NUBP1: variants seen among roughly 807,000 people sequenced by gnomAD.
NUBP1 encodes the protein NUBP iron-sulfur cluster assembly factor 1, cytosolic.
A neutral mutation model predicts 41.8 loss-of-function variants in NUBP1; 46 were observed. The observed-to-expected ratio is 1.10, with a 90% CI of 0.87 to 1.41. NUBP1 has a LOEUF of 1.41. NUBP1 is among the 40% of genes most tolerant of loss of function. The pLI, the probability that NUBP1 is intolerant of heterozygous loss-of-function variation, is 0.00. For synonymous variants in NUBP1, 189 were observed against 154.6 expected, an observed-to-expected ratio of 1.22 and a Z score of -1.65; for missense variants, 494 against 414.0, an observed-to-expected ratio of 1.19 and a Z score of -1.68.
Position 10,766,375 on chromosome 16 carries a change from G to A in NUBP1, c.821-1574G>A, listed in dbSNP as rs185447106. 3.3e-4 allele frequency among the ~76,000 whole-genome samples: 50 copies of A among 152,306 alleles called. 1 individual carries two copies. The East Asian group carries it at 6.0e-3, about 18-fold the overall frequency. On this transcript the variant is annotated intron_variant, in intron 9 of 10. Coordinates refer to ENST00000283027, the MANE Select transcript of NUBP1 (RefSeq NM_002484.4). This position sits in a 1 kb window ranked among gnomAD's most constrained non-coding sequence, Gnocchi z 4.8. Reference sequence around the variant, plus strand: ...ACCAGCTGTTCTGATAATGCTGCCCGTTCTTGGAGAGGTGGGAGCCCAGGG... The same window carrying A: ...ACCAGCTGTTCTGATAATGCTGCCCATTCTTGGAGAGGTGGGAGCCCAGGG...
intron 6 of NUBP1, 86 bp downstream of exon 6, chr16:10,756,866 C>A: frequency 9.6e-7 from 1 of 1,044,562 alleles, no homozygotes; most frequent in South Asian, 1.6e-5. Flanking sequence ...TCCTGCCAGT[C>A]TCAGCCTGCT....
chr16:10,761,886 C>G, intron 9 of NUBP1, 27 bp downstream of exon 9: 1 of 1,564,430 alleles, frequency 6.4e-7, no homozygotes, highest in South Asian at 1.1e-5. Flanking sequence ...TGGGGCGGCA[C>G]CTCACTCCTC....
Position 10,756,673 on chromosome 16 carries a change from C to A in NUBP1, c.361-17C>A. On this transcript the variant is annotated splice_polypyrimidine_tract_variant and intron_variant, in intron 5 of 10. Transcript: ENST00000283027. ...TTGAGTAAAGCGTGTCTTGCCCTCACCCTGTTCCCTCTGCAGTACGTGGAA... is the reference window on the plus strand; with the variant it reads ...TTGAGTAAAGCGTGTCTTGCCCTCAACCTGTTCCCTCTGCAGTACGTGGAA... 6.5e-7 allele frequency: 1 copy of A among 1,539,298 alleles called. No homozygotes were observed. Among genetic ancestry groups the A allele is most frequent in the Non-Finnish European group, 8.7e-7 (1 of 1,151,308 alleles).
At chr16:10,758,967 C>T (rs995635844) in intron 7 of NUBP1, among the ~76,000 whole-genome samples, 2 of 152,190 alleles carry the variant, frequency 1.3e-5, no homozygotes, top group African/African-American at 4.8e-5. Context: ...TGGTGCTATC[C>T]ATCTCAGGGG....
At chr16:10,747,633 A>G (rs180860971) in intron 3 of NUBP1, among the ~76,000 whole-genome samples, 1 of 152,194 alleles carries the variant, frequency 6.6e-6, no homozygotes, top group African/African-American at 2.4e-5. Context: ...AGACTGTCCA[A>G]GAAGAAAAAA....
rs553690845 is a variant in NUBP1 at position 10,761,903 on chromosome 16, C to T, written c.820+44C>T. On this transcript the variant is annotated intron_variant, in intron 9 of 10. Coordinates refer to ENST00000283027, the MANE Select transcript of NUBP1 (RefSeq NM_002484.4). ...GGGCGGCACCTCACTCCTCGGTCAG[C>T]CCCACAGGCACGGGTCGGGCACAAC... The T allele has an allele frequency of 6.0e-6, 9 of 1,488,306 alleles. No individual in the cohort carries two copies. The East Asian group carries it at 2.0e-4, about 34-fold the overall frequency. The allele number at this position is 1,488,306 out of a possible 1,614,324, so 92.2% of individuals were successfully genotyped here.
chr16:10,747,380 T>C, intron 3 of NUBP1, 104 bp downstream of exon 3: 1 of 1,477,332 alleles, frequency 6.8e-7, no homozygotes, highest in Non-Finnish European at 9.1e-7. Flanking sequence ...ATGCCTGTAA[T>C]CCCAGCACTT....
chr16:10,763,194 G>A (rs1268004493), intron 9 of NUBP1, among the ~76,000 whole-genome samples: 5 of 152,238 alleles, frequency 3.3e-5, no homozygotes, highest in Admixed American at 6.5e-5. Context: ...GGGGGCTCAG[G>A]TTGTCAGCAG....
rs1186301797 is a variant in NUBP1 at position 10,749,088 on chromosome 16, TAA to T, written c.258+1823_258+1824del. Among the ~76,000 whole-genome samples the T allele has an allele frequency of 2.3e-5, 3 of 133,164 alleles. No homozygotes were observed. Among genetic ancestry groups the T allele is most frequent in the Non-Finnish European group, 3.2e-5 (2 of 62,482 alleles). The allele number at this position is 133,164 out of a possible 152,430, so 87.4% of individuals were successfully genotyped here. ...CCTGGGTGACAGACAAGACTCCATT[TAA>T]AAAAAAAAAAGGATATAGATAGATA... is the stretch of plus-strand genomic sequence containing the variant. On this transcript the variant is annotated intron_variant, in intron 3 of 10. Transcript: ENST00000283027. This position sits in a 1 kb window ranked among gnomAD's most constrained non-coding sequence, Gnocchi z 4.1.
In NUBP1 at chr16:10,767,481, TGTGC is replaced by T. The variant is rs2031068878; in HGVS notation, c.821-466_821-463del. ...AGGTATATGAGAGTGTGTGTATGTG[TGTGC>T]GCACACATGCAAGTGTGCACATTTA... is the stretch of plus-strand genomic sequence containing the variant. On this transcript the variant is annotated intron_variant, in intron 9 of 10. Transcript: ENST00000283027. This position sits in a 1 kb window ranked among gnomAD's most constrained non-coding sequence, Gnocchi z 4.6. 17 of 412,266 alleles carry T rather than the reference TGTGC, an allele frequency of 4.1e-5. No individual in the cohort carries two copies. The highest frequency in any genetic ancestry group is 6.4e-5 in the Non-Finnish European group (15 of 235,356). The allele number at this position is 412,266 out of a possible 1,614,324, so 25.5% of individuals were successfully genotyped here. A position where few individuals can be genotyped will look rare whatever the true frequency, so the allele number is the denominator to read the frequency against.
In NUBP1 at chr16:10,761,670, T is replaced by G. The variant is rs545110621; in HGVS notation, c.718-87T>G. On this transcript the variant is annotated intron_variant, in intron 8 of 10. Coordinates refer to ENST00000283027, the MANE Select transcript of NUBP1 (RefSeq NM_002484.4). ...TTCCACATTCAAACTAAGCCTTTTTTTTTTTTTTAAGTTTCTTTAAAATGT... is the reference window on the plus strand; with the variant it reads ...TTCCACATTCAAACTAAGCCTTTTTGTTTTTTTTAAGTTTCTTTAAAATGT... The G allele has an allele frequency of 1.5e-5, 18 of 1,170,272 alleles. No individual in the cohort carries two copies. The Admixed American group carries it at 2.2e-4, about 14-fold the overall frequency. The allele number at this position is 1,170,272 out of a possible 1,614,324, so 72.5% of individuals were successfully genotyped here. A position where few individuals can be genotyped will look rare whatever the true frequency, so the allele number is the denominator to read the frequency against.
At chr16:10,744,472 ACACAATTTTCTT>A (rs1488146119) in intron 2 of NUBP1, among the ~76,000 whole-genome samples, 1 of 152,192 alleles carries the variant, frequency 6.6e-6, no homozygotes, top group Admixed American at 6.5e-5. Flanking sequence ...TACTTTCTTG[ACACAATTTTCTT>A]CCTTTTGAGG....
In NUBP1 at chr16:10,761,768, G is replaced by C. The variant is rs754401513; in HGVS notation, c.729G>C (p.Gln243His). The C allele has an allele frequency of 3.5e-5, 57 of 1,613,474 alleles. No individual in the cohort carries two copies. The highest frequency in any genetic ancestry group is 5.1e-6 in the Non-Finnish European group (6 of 1,179,856). The change falls in exon 9 of 11, where the codon CAG (glutamine) becomes CAC (histidine). Residue 243 changes from glutamine to histidine, a missense_variant. Transcript: ENST00000283027. The stretch of plus-strand genomic sequence containing the variant: ...AATTTGCCTTGCAGAAAGAATCTCA[G>C]ATATTCCCTCCCACAACCGGGGGCG... ...FICPKCKKES[Q>H]IFPPTTGGAE...
At chr16:10,758,754 C>G (rs1238499004) in intron 7 of NUBP1, among the ~76,000 whole-genome samples, 6 of 152,188 alleles carry the variant, frequency 3.9e-5, no homozygotes, top group African/African-American at 1.4e-4. Context: ...CTCCAGTTTT[C>G]AACAGAACCA....
At chr16:10,755,902 T>C in intron 5 of NUBP1, 149 bp downstream of exon 5, 1 of 724,460 alleles carries the variant, frequency 1.4e-6, no homozygotes, top group Non-Finnish European at 2.4e-6. Flanking sequence ...GCAGGCTTTT[T>C]CTGTAAAGTG....
At position 10,758,006 on chromosome 16, in the gene NUBP1, A is replaced by G. The variant is rs1437621701; in HGVS notation, c.585A>G (p.Ala195=). 3 of 1,613,908 alleles carry G rather than the reference A, an allele frequency of 1.9e-6. No individual in the cohort carries two copies. The highest frequency in any genetic ancestry group is 2.5e-6 in the Non-Finnish European group (3 of 1,179,986). Residue 195 remains alanine (A), a synonymous_variant, in exon 7 of 11, where the codon GCA becomes GCG. Transcript: ENST00000283027. ...RYLATAHIDG[A]VIITTPQEVS... is the part of the protein sequence containing the mutation. ...TGGCCACAGCACACATCGATGGAGC[A>G]GTGATCATCACCACTCCCCAGGTGA...
At chr16:10,745,347 C>T (rs1281295602) in intron 2 of NUBP1, among the ~76,000 whole-genome samples, 3 of 152,034 alleles carry the variant, frequency 2.0e-5, no homozygotes. Flanking sequence ...CATGCCCGCC[C>T]TCGAGGCTGA....
intron 3 of NUBP1, 72 bp from the exon 4 acceptor site, chr16:10,752,538 C>T (rs1900366479): frequency 1.6e-6 from 2 of 1,232,118 alleles, no homozygotes; most frequent in Non-Finnish European, 2.4e-6. Context: ...AACCCCGCTC[C>T]CCTCCTAGTT....
At position 10,761,385 on chromosome 16, in the gene NUBP1, C is replaced by T. The variant is rs368752350; in HGVS notation, c.628C>T (p.Arg210Trp). The part of the protein sequence containing the change: ...TPQEVSLQDV[R>W]KEINFCRKVK... Reference sequence around the variant, plus strand: ...GTAGGAGGTGTCACTCCAGGATGTCCGGAAAGAAATCAACTTCTGCCGCAA... The same window carrying T: ...GTAGGAGGTGTCACTCCAGGATGTCTGGAAAGAAATCAACTTCTGCCGCAA... Residue 210 changes from arginine to tryptophan, a missense_variant, in exon 8 of 11, where the codon CGG becomes TGG. By Grantham distance (101) the Arg-to-Trp change is moderately radical (BLOSUM62 -3). Coordinates refer to ENST00000283027, the MANE Select transcript of NUBP1 (RefSeq NM_002484.4). 18 of 1,613,900 alleles carry T rather than the reference C, an allele frequency of 1.1e-5. No homozygotes were observed. The highest frequency in any genetic ancestry group is 4.0e-5 in the African/African-American group (3 of 74,904).
Sources: allele counts gnomAD v4.1 joint callset (sites outside exome capture counted in the v4.1 genomes callset), GRCh38; gene constraint gnomAD v4.1.1; non-coding constraint Gnocchi (gnomAD v3.1); transcripts MANE v1.5; gene names NCBI Gene and HGNC (gene_info 2026-07-23, HGNC 2026-07-21).